The following ROBO2 variants were observed in gnomAD, a reference collection of about 807,000 sequenced individuals.
ROBO2 encodes roundabout homolog 2.
In ROBO2, 53 loss-of-function variants were observed where a neutral mutation model predicts 160.8. The ratio of observed to expected loss-of-function variants is 0.33; its 90% CI spans 0.26 to 0.41. The LOEUF (loss-of-function observed/expected upper bound fraction) is 0.41, where lower values mean the gene tolerates loss of function less well. ROBO2 is among the 10% of genes least tolerant of loss of function. ROBO2 has a pLI of 1.00. For synonymous variants in ROBO2, 664 were observed against 611.7 expected (o/e 1.09, Z -1.26); for missense variants, 1,577 against 1,722.4 (o/e 0.92, Z 1.49).
Position 77,645,053 on chromosome 3 carries a change from A to G in ROBO2, c.4135+149A>G, listed in dbSNP as rs1721189. The G allele has an allele frequency of 0.41, 319,057 of 780,186 alleles. 67,578 individuals are homozygous for G. Among genetic ancestry groups the G allele is most frequent in the Admixed American group, 0.57 (27,411 of 47,824 alleles). The allele number at this position is 780,186 out of a possible 1,614,324, so 48.3% of individuals were successfully genotyped here. A position where few individuals can be genotyped will look rare whatever the true frequency, so the allele number is the denominator to read the frequency against. ...GCAATTTTCAACAAGTTTGGTCATAACTTAGGCCATTGCTATATTTATTGA... is the reference window on the plus strand; with the variant it reads ...GCAATTTTCAACAAGTTTGGTCATAGCTTAGGCCATTGCTATATTTATTGA... On this transcript the variant is annotated intron_variant, in intron 25 of 25. Coordinates refer to ENST00000461745, the Ensembl canonical transcript of ROBO2.
At chr3:76,917,192 G>A (rs552527718) in intron 2 of ROBO2, among the ~76,000 whole-genome samples, 3 of 152,114 alleles carry the variant, frequency 2.0e-5, no homozygotes, top group Non-Finnish European at 2.9e-5. Flanking sequence ...TATGTTCTAC[G>A]TATGGCAATC....
chr3:76,517,126 C>T (rs2081381136), intron 2 of ROBO2, among the ~76,000 whole-genome samples: 1 of 152,068 alleles, frequency 6.6e-6, no homozygotes, highest in Non-Finnish European at 1.5e-5. Flanking sequence ...ATAAAATTTT[C>T]ATACAGTGTG....
intron 2 of ROBO2, among the ~76,000 whole-genome samples, chr3:76,448,930 T>G (rs892743107): frequency 2.0e-5 from 3 of 152,110 alleles, no homozygotes; most frequent in African/African-American, 7.2e-5. Context: ...AGCTGGACCC[T>G]AGAAGAAACA....
chr3:77,146,553 T>G (rs1347956278), intron 2 of ROBO2, among the ~76,000 whole-genome samples: 1 of 152,192 alleles, frequency 6.6e-6, no homozygotes, highest in Admixed American at 6.5e-5. Context: ...GATGATGAAT[T>G]GTGACCTGGG....
At chr3:77,459,963 G>A (rs191268260) in intron 2 of ROBO2, among the ~76,000 whole-genome samples, 132 of 151,484 alleles carry the variant, frequency 8.7e-4, no homozygotes, top group African/African-American at 2.7e-3. Context: ...GGGGTCCTTC[G>A]GAGAATTTTA....
At chr3:76,861,847 CTTTT>C (rs1224946931) in intron 2 of ROBO2, among the ~76,000 whole-genome samples, 3 of 152,042 alleles carry the variant, frequency 2.0e-5, no homozygotes, top group Non-Finnish European at 2.9e-5. Flanking sequence ...CCTTGCTTTT[CTTTT>C]TAATTGACTG....
At chr3:77,571,899 G>A (rs527863889) in intron 13 of ROBO2, among the ~76,000 whole-genome samples, 5 of 144,660 alleles carry the variant, frequency 3.5e-5, no homozygotes, top group South Asian at 4.5e-4. Context: ...AACAAATTTC[G>A]TCCTGAAAAA....
chr3:76,995,084 T>C (rs2060912124), intron 2 of ROBO2, among the ~76,000 whole-genome samples: 2 of 148,414 alleles, frequency 1.3e-5, no homozygotes, highest in South Asian at 4.3e-4. Flanking sequence ...TTTCTCCTAA[T>C]GCTATCCCTC....
chr3:77,279,801 G>A (rs948257412), intron 2 of ROBO2, among the ~76,000 whole-genome samples: 1 of 152,010 alleles, frequency 6.6e-6, no homozygotes, highest in Non-Finnish European at 1.5e-5. Context: ...TGTATAATGT[G>A]TACTAGAATG....
intron 22 of ROBO2, among the ~76,000 whole-genome samples, chr3:77,620,867 A>C (rs2094885722): frequency 6.6e-6 from 1 of 152,248 alleles, no homozygotes; most frequent in African/African-American, 2.4e-5. Context: ...ACTTTTTAAG[A>C]TCTCACCTAA....
intron 2 of ROBO2, among the ~76,000 whole-genome samples, chr3:76,965,789 A>G (rs1029320553): frequency 1.9e-4 from 27 of 142,580 alleles, no homozygotes; most frequent in East Asian, 4.0e-4. Flanking sequence ...GTTTGTGTAT[A>G]TATATATATA....
At chr3:76,937,416 C>A (rs1382433410) in intron 2 of ROBO2, among the ~76,000 whole-genome samples, 1 of 151,764 alleles carries the variant, frequency 6.6e-6, no homozygotes, top group African/African-American at 2.4e-5. Flanking sequence ...TAGTTATTTA[C>A]CCATGTATTT....
rs560870953 is a variant in ROBO2 at position 76,511,098 on chromosome 3, A to T, written c.109+573496A>T. 5.9e-5 allele frequency among the ~76,000 whole-genome samples: 9 copies of T among 152,250 alleles called. No individual in the cohort carries two copies. In the East Asian group the frequency reaches 1.7e-3, roughly 29 times the overall value. ...AAGTCTCTAATGCTGATGAACTATC[A>T]CTGTTTTGGTATTACTGCCCCCGAA... On this transcript the variant is annotated intron_variant, in intron 2 of 26. Coordinates refer to the ROBO2 transcript ENST00000487694.
intron 2 of ROBO2, among the ~76,000 whole-genome samples, chr3:76,828,722 A>T (rs942235300): frequency 2.6e-5 from 4 of 152,140 alleles, no homozygotes; most frequent in Non-Finnish European, 5.9e-5. Flanking sequence ...ACTGACATAA[A>T]ATATATCTAA....
intron 2 of ROBO2, among the ~76,000 whole-genome samples, chr3:76,680,838 G>A (rs1276272792): frequency 3.3e-5 from 5 of 152,074 alleles, no homozygotes; most frequent in East Asian, 1.9e-4. Context: ...GTGCAGTGGC[G>A]CAATCTCGCT....
chr3:76,105,324 C>A (rs2069875649), intron 2 of ROBO2, among the ~76,000 whole-genome samples: 1 of 151,998 alleles, frequency 6.6e-6, no homozygotes, highest in Non-Finnish European at 1.5e-5. Context: ...AAGAAAATAA[C>A]AAAAATATTT....
chr3:76,172,860 T>A (rs2073094579), intron 2 of ROBO2, among the ~76,000 whole-genome samples: 1 of 152,076 alleles, frequency 6.6e-6, no homozygotes, highest in Non-Finnish European at 1.5e-5. Context: ...AGTTACATTT[T>A]AAAAATTGAC....
chr3:76,808,937 T>A (rs1237172907), intron 2 of ROBO2, among the ~76,000 whole-genome samples: 1 of 152,126 alleles, frequency 6.6e-6, no homozygotes, highest in Non-Finnish European at 1.5e-5. Context: ...ACTAACCTTA[T>A]CACAAACTCC....
chr3:76,374,105 A>C (rs187378979), intron 2 of ROBO2, among the ~76,000 whole-genome samples: 1 of 152,070 alleles, frequency 6.6e-6, no homozygotes. Flanking sequence ...CATTTCTTTT[A>C]TCAAAGCCAG....
Sources: allele counts gnomAD v4.1 joint callset (sites outside exome capture counted in the v4.1 genomes callset), GRCh38; gene constraint gnomAD v4.1.1; transcripts MANE v1.5; gene names NCBI Gene and HGNC (gene_info 2026-07-23, HGNC 2026-07-21).